Variants in SORD observed in about 807,000 individuals in gnomAD.
SORD encodes the protein sorbitol dehydrogenase.
SORD carries 18 observed loss-of-function variants against 35.6 expected under a neutral mutation model. That is an observed-to-expected ratio of 0.51 (90% CI 0.35 to 0.75). The LOEUF (loss-of-function observed/expected upper bound fraction) is 0.75, where lower values mean the gene tolerates loss of function less well. SORD is among the 30% of genes least tolerant of loss of function. SORD has a pLI of 0.01. For synonymous variants in SORD, 106 were observed against 152.9 expected (o/e 0.69, Z 2.26); for missense variants, 250 against 390.2 (o/e 0.64, Z 3.03).
chr15:45,023,854 G>A (rs892188156), intron 1 of SORD, among the ~76,000 whole-genome samples: 22 of 152,138 alleles, frequency 1.4e-4, no homozygotes, highest in African/African-American at 4.8e-4. Flanking sequence ...CACTTAGTAC[G>A]TGCTCAGGAA....
intron 3 of SORD, among the ~76,000 whole-genome samples, chr15:45,055,126 C>A (rs1253564306): frequency 1.3e-5 from 2 of 151,642 alleles, no homozygotes; most frequent in African/African-American, 2.4e-5. Context: ...CTTGGCGATG[C>A]GGGCTCTTTT....
chr15:45,052,572 A>T (rs1172865255), intron 3 of SORD, among the ~76,000 whole-genome samples: 1 of 152,164 alleles, frequency 6.6e-6, no homozygotes, highest in Non-Finnish European at 1.5e-5. Context: ...AATTTTTTCC[A>T]GGCAGAGGTT....
intron 3 of SORD, among the ~76,000 whole-genome samples, chr15:45,046,863 C>G (rs1243219564): frequency 6.6e-6 from 1 of 152,010 alleles, no homozygotes; most frequent in Non-Finnish European, 1.5e-5. Context: ...ACTAAAAATA[C>G]AAAAATTAGC....
chr15:45,023,429 C>A (rs1189961102), intron 1 of SORD, 80 bp downstream of exon 1: 4 of 1,237,230 alleles, frequency 3.2e-6, no homozygotes, highest in Non-Finnish European at 3.2e-6. Context: ...TGGCTTCCCA[C>A]TTCCAGCCTG....
intron 3 of SORD, among the ~76,000 whole-genome samples, chr15:45,050,303 G>C (rs908240193): frequency 6.6e-6 from 1 of 152,126 alleles, no homozygotes; most frequent in Non-Finnish European, 1.5e-5. Context: ...GGATGGTCTC[G>C]ATCTCCTGAC....
intron 1 of SORD, among the ~76,000 whole-genome samples, chr15:45,039,416 C>T (rs570674143): frequency 6.6e-6 from 1 of 152,348 alleles, no homozygotes; most frequent in Non-Finnish European, 1.5e-5. Flanking sequence ...GCATGAGACA[C>T]TGTGCCCGGG....
intron 3 of SORD, among the ~76,000 whole-genome samples, chr15:45,054,149 G>T (rs1305595317): frequency 1.3e-5 from 2 of 152,010 alleles, no homozygotes; most frequent in Non-Finnish European, 2.9e-5. Flanking sequence ...TAGTCTTTTG[G>T]GTATATACCC....
At chr15:45,035,277 G>C (rs1892845300) in intron 1 of SORD, among the ~76,000 whole-genome samples, 1 of 152,172 alleles carries the variant, frequency 6.6e-6, no homozygotes, top group South Asian at 2.1e-4. Flanking sequence ...GAGATCCACT[G>C]GGTGAAGCCA....
intron 1 of SORD, among the ~76,000 whole-genome samples, chr15:45,034,827 T>C (rs1381485985): frequency 6.6e-6 from 1 of 151,888 alleles, no homozygotes; most frequent in Non-Finnish European, 1.5e-5. Context: ...TGCAGGGAGG[T>C]GTGGAGAGAG....
Position 45,023,233 on chromosome 15 carries a change from G to T in SORD, c.-51G>T, listed in dbSNP as rs1418023696. 2.0e-6 allele frequency: 3 copies of T among 1,473,776 alleles called. No homozygotes were observed. Among genetic ancestry groups the T allele is most frequent in the South Asian group, 1.4e-5 (1 of 73,392 alleles). 91.3% of individuals were successfully genotyped at this position (1,473,776 alleles called of 1,614,324 possible). On this transcript the variant is annotated 5_prime_UTR_variant, in exon 1 of 9. Transcript: ENST00000267814. ...CTCGGCTGGGTAGCGCCACCAGAGC[G>T]ACCAAACGTCCCGCGCCTTCCAGGC...
intron 3 of SORD, among the ~76,000 whole-genome samples, chr15:45,044,729 C>A (rs868806946): frequency 6.8e-6 from 1 of 146,204 alleles, no homozygotes; most frequent in Non-Finnish European, 1.5e-5. Flanking sequence ...GACGGAGTCT[C>A]GCTCTGTCAC....
At chr15:45,029,751 G>A (rs1251494438) in intron 1 of SORD, among the ~76,000 whole-genome samples, 1 of 152,256 alleles carries the variant, frequency 6.6e-6, no homozygotes, top group Non-Finnish European at 1.5e-5. Context: ...GAAGGATGGT[G>A]AAGGTGGAGA....
At chr15:45,045,689 A>C (rs1893037161) in intron 3 of SORD, among the ~76,000 whole-genome samples, 1 of 151,992 alleles carries the variant, frequency 6.6e-6, no homozygotes, top group Non-Finnish European at 1.5e-5. Context: ...AACATGCATA[A>C]TCTTTATAAA....
At chr15:45,064,790 G>T (rs1462236682) in intron 4 of SORD, among the ~76,000 whole-genome samples, 1 of 151,848 alleles carries the variant, frequency 6.6e-6, no homozygotes, top group African/African-American at 2.4e-5. Flanking sequence ...ACGTGGCCAT[G>T]TTAACTCCTT....
intron 7 of SORD, among the ~76,000 whole-genome samples, chr15:45,071,617 T>A (rs1893515171): frequency 6.6e-6 from 1 of 151,992 alleles, no homozygotes; most frequent in Non-Finnish European, 1.5e-5. Flanking sequence ...CTCACCGCAC[T>A]GAGCACAGTG....
intron 4 of SORD, among the ~76,000 whole-genome samples, chr15:45,061,604 A>G (rs921641432): frequency 6.6e-6 from 1 of 151,948 alleles, no homozygotes; most frequent in African/African-American, 2.4e-5. Context: ...GTGGTGGCTC[A>G]TGCCTGTAAT....
chr15:45,071,310 G>A (rs1893509256), intron 7 of SORD, among the ~76,000 whole-genome samples: 1 of 152,148 alleles, frequency 6.6e-6, no homozygotes, highest in Non-Finnish European at 1.5e-5. Flanking sequence ...CTAGAAAATG[G>A]GCTGAGAGGG....
intron 8 of SORD, among the ~76,000 whole-genome samples, chr15:45,072,926 C>T (rs1229776695): frequency 7.3e-6 from 1 of 136,732 alleles, no homozygotes; most frequent in Non-Finnish European, 1.5e-5. Flanking sequence ...GGCTGGGACC[C>T]CTCTCCCCAG....
chr15:45,034,785 G>T (rs1366281369), intron 1 of SORD, among the ~76,000 whole-genome samples: 1 of 152,254 alleles, frequency 6.6e-6, no homozygotes, highest in East Asian at 1.9e-4. Flanking sequence ...CCCTTTCTGG[G>T]TTGGCCAAGG....
Sources: allele counts gnomAD v4.1 joint callset (sites outside exome capture counted in the v4.1 genomes callset), GRCh38; gene constraint gnomAD v4.1.1; transcripts MANE v1.5; gene names NCBI Gene and HGNC (gene_info 2026-07-23, HGNC 2026-07-21).